NSUN3: variants seen among roughly 807,000 people sequenced by gnomAD.
NSUN3 encodes the protein NOP2/Sun RNA methyltransferase 3, also known as tRNA (cytosine(34)-C(5))-methyltransferase, mitochondrial.
NSUN3 carries 24 observed loss-of-function variants against 36.8 expected under a neutral mutation model. The ratio of observed to expected loss-of-function variants is 0.65; its 90% CI spans 0.47 to 0.92. NSUN3 has a LOEUF of 0.92. Among genes scored for constraint, NSUN3 ranks in the 40% least tolerant of loss-of-function variants. The pLI, the probability that NSUN3 is intolerant of heterozygous loss-of-function variation, is 0.00. For synonymous variants in NSUN3, 146 were observed against 145.2 expected, an observed-to-expected ratio of 1.01 and a Z score of -0.04; for missense variants, 381 against 392.8, an observed-to-expected ratio of 0.97 and a Z score of 0.25.
At chr3:94,114,538 G>C (rs546981959) in intron 5 of NSUN3, among the ~76,000 whole-genome samples, 2 of 152,266 alleles carry the variant, frequency 1.3e-5, no homozygotes, top group South Asian at 4.1e-4. Flanking sequence ...CATCTTGTTT[G>C]ATTTCTGGAC....
intron 5 of NSUN3, among the ~76,000 whole-genome samples, chr3:94,122,040 G>T (rs1231165148): frequency 6.6e-6 from 1 of 151,696 alleles, no homozygotes; most frequent in East Asian, 1.9e-4. Flanking sequence ...AGCTACTCAG[G>T]AGGCTGAGGC....
intron 2 of NSUN3, chr3:94,077,277 C>G: frequency 3.7e-6 from 2 of 540,864 alleles, no homozygotes; most frequent in East Asian, 6.0e-5. Context: ...GTCTTGCATC[C>G]CAGGTATGAA....
chr3:94,107,083 T>C (rs535055728), intron 5 of NSUN3, among the ~76,000 whole-genome samples: 93 of 151,990 alleles, frequency 6.1e-4, no homozygotes, highest in South Asian at 2.1e-3. Flanking sequence ...GTTTGAACAA[T>C]AGGTATACAC....
At chr3:94,100,387 G>A (rs1462110655) in intron 5 of NSUN3, among the ~76,000 whole-genome samples, 1 of 152,178 alleles carries the variant, frequency 6.6e-6, no homozygotes, top group Non-Finnish European at 1.5e-5. Context: ...CAGAAAGATA[G>A]ATACCATATG....
intron 5 of NSUN3, among the ~76,000 whole-genome samples, chr3:94,099,914 C>T (rs1312637605): frequency 6.6e-6 from 1 of 152,026 alleles, no homozygotes; most frequent in African/African-American, 2.4e-5. Flanking sequence ...CCTCAGCTAG[C>T]TAGTTATTGC....
At chr3:94,088,890 A>G (rs2077303825) in intron 3 of NSUN3, among the ~76,000 whole-genome samples, 1 of 152,038 alleles carries the variant, frequency 6.6e-6, no homozygotes, top group South Asian at 2.1e-4. Context: ...GCTGGTCTCG[A>G]GCTCCTGACC....
chr3:94,119,297 T>C (rs1035339562), intron 5 of NSUN3, among the ~76,000 whole-genome samples: 4 of 152,228 alleles, frequency 2.6e-5, no homozygotes, highest in Admixed American at 1.3e-4. Context: ...AGTTGTTGTA[T>C]GTTCTTGCCT....
rs114025394 is a variant in NSUN3 at position 94,114,241 on chromosome 3, G to A, written c.744-11970G>A. Reference sequence around the variant, plus strand: ...TTTAGCAGTCATAGTATTTGCTTCAGGGCACATAGCTTGAGGTAAAAGCTT... The same window carrying A: ...TTTAGCAGTCATAGTATTTGCTTCAAGGCACATAGCTTGAGGTAAAAGCTT... On this transcript the variant is annotated intron_variant, in intron 5 of 5. Transcript: ENST00000314622. Among the ~76,000 whole-genome samples the A allele has an allele frequency of 4.3e-3, 653 of 152,210 alleles. 6 individuals are homozygous for A. The highest frequency in any genetic ancestry group is 0.014 in the African/African-American group (589 of 41,522).
chr3:94,074,281 T>G (rs1410697676), intron 2 of NSUN3, among the ~76,000 whole-genome samples: 1 of 152,166 alleles, frequency 6.6e-6, no homozygotes. Flanking sequence ...CTTGGCTATG[T>G]GGGTTCTTTT....
chr3:94,118,278 C>T (rs1169324840), intron 5 of NSUN3, among the ~76,000 whole-genome samples: 3 of 152,090 alleles, frequency 2.0e-5, no homozygotes, highest in African/African-American at 4.8e-5. Flanking sequence ...TATAATTGGG[C>T]ATTTTATATT....
rs375689714 is a variant in NSUN3, at chr3:94,095,100, C to A, written c.689C>A (p.Ser230Tyr). 6 of 1,613,550 alleles carry A rather than the reference C, an allele frequency of 3.7e-6. No homozygotes were observed. Among genetic ancestry groups the A allele is most frequent in the African/African-American group, 2.7e-5 (2 of 74,866 alleles). ...WLFSSDSQKA[S>Y]CRISQRRNLP... is the part of the protein sequence containing the mutation. ...TTTTCTTCTGACTCTCAGAAGGCAT[C>A]CTGTAGGATAAGTCAAAGGAGGAAT... Residue 230 changes from serine (S) to tyrosine (Y), a missense_variant, in exon 5 of 6, where the codon TCC (serine) becomes TAC (tyrosine). Coordinates refer to ENST00000314622, the MANE Select transcript of NSUN3 (RefSeq NM_022072.5).
chr3:94,101,267 T>C (rs1576094209), intron 5 of NSUN3, among the ~76,000 whole-genome samples: 4 of 152,210 alleles, frequency 2.6e-5, no homozygotes, highest in Admixed American at 2.6e-4. Context: ...GCTGAGACCA[T>C]AAGCACGAGC....
chr3:94,064,540 C>T lies in NSUN3; in HGVS notation c.116C>T (p.Thr39Ile). Residue 39 changes from threonine to isoleucine, a missense_variant, in exon 2 of 6, where the codon ACA (threonine) becomes ATA (isoleucine). By Grantham distance (89) the Thr-to-Ile change is moderately conservative. Transcript: ENST00000314622. ...AAAGAACTCGGAGATGCCTGGAATA[C>T]AGTAAGGTTAGTATAATTCATCTCG... ...YSKELGDAWNTVREILTSPSC... is the reference protein window; with the variant it reads ...YSKELGDAWNIVREILTSPSC... The T allele has an allele frequency of 6.4e-7, 1 of 1,568,298 alleles. No homozygotes were observed.
At chr3:94,082,758 G>A (rs751600914) in intron 2 of NSUN3, among the ~76,000 whole-genome samples, 2 of 152,158 alleles carry the variant, frequency 1.3e-5, no homozygotes, top group Admixed American at 6.5e-5. Flanking sequence ...TTAAGAGATG[G>A]AACTCTTGGA....
Position 94,084,454 on chromosome 3 carries a change from G to C in NSUN3, c.466+4G>C. ...CTGCTGCAGTGTGCTTGTCCAGGTAGTGTGCTTTCCTTTCAGTATTTGACA... is the reference window on the plus strand; with the variant it reads ...CTGCTGCAGTGTGCTTGTCCAGGTACTGTGCTTTCCTTTCAGTATTTGACA... On this transcript the variant is annotated splice_donor_region_variant and intron_variant, in intron 3 of 5. Transcript: ENST00000314622. The C allele has an allele frequency of 6.2e-7, 1 of 1,601,620 alleles. No homozygotes were observed. The highest frequency in any genetic ancestry group is 8.5e-7 in the Non-Finnish European group (1 of 1,172,856).
chr3:94,113,527 G>A (rs1432959942), intron 5 of NSUN3, among the ~76,000 whole-genome samples: 1 of 152,170 alleles, frequency 6.6e-6, no homozygotes, highest in Non-Finnish European at 1.5e-5. Flanking sequence ...AAGAGGAAAG[G>A]CAGATGGGGA....
At chr3:94,124,161 T>C (rs1239462927) in intron 5 of NSUN3, among the ~76,000 whole-genome samples, 2 of 140,164 alleles carry the variant, frequency 1.4e-5, no homozygotes, top group East Asian at 4.1e-4. Context: ...TTTTTTTTTT[T>C]TTTTTTTTTG....
intron 5 of NSUN3, among the ~76,000 whole-genome samples, chr3:94,106,125 C>A (rs1472828349): frequency 6.6e-6 from 1 of 151,800 alleles, no homozygotes; most frequent in Non-Finnish European, 1.5e-5. Context: ...AAATGGAAAC[C>A]AATAATAAAT....
chr3:94,109,631 C>T (rs758630860), intron 5 of NSUN3, among the ~76,000 whole-genome samples: 2 of 152,104 alleles, frequency 1.3e-5, no homozygotes, highest in Non-Finnish European at 2.9e-5. Flanking sequence ...ATGATGTGAG[C>T]GATCTGCAGA....
Sources: allele counts gnomAD v4.1 joint callset (sites outside exome capture counted in the v4.1 genomes callset), GRCh38; gene constraint gnomAD v4.1.1; transcripts MANE v1.5; gene names NCBI Gene and HGNC (gene_info 2026-07-23, HGNC 2026-07-21).